IGF1: variants seen among roughly 807,000 people sequenced by gnomAD.
The protein encoded by IGF1 is insulin-like growth factor 1.
In IGF1, 4 loss-of-function variants were observed where a neutral mutation model predicts 13.8. The ratio of observed to expected loss-of-function variants is 0.29; its 90% CI spans 0.14 to 0.66. IGF1 has a LOEUF of 0.66. Ranked by LOEUF, IGF1 falls within the 30% of genes least tolerant of loss-of-function variation. The pLI is 0.78. For missense variants in IGF1, 124 were observed against 188.5 expected (o/e 0.66, Z 2.00); for synonymous variants, 76 against 72.6 (o/e 1.05, Z -0.23).
intron 2 of IGF1, among the ~76,000 whole-genome samples, chr12:102,423,393 T>C (rs1468803508): frequency 6.6e-6 from 1 of 151,088 alleles, no homozygotes; most frequent in Non-Finnish European, 1.5e-5. Context: ...TTAGAATGAA[T>C]AGGCATGTAT....
At chr12:102,447,335 T>A (rs1481475989) in intron 2 of IGF1, among the ~76,000 whole-genome samples, 1 of 152,174 alleles carries the variant, frequency 6.6e-6, no homozygotes, top group African/African-American at 2.4e-5. Flanking sequence ...AGTTAAAGTC[T>A]CCCAGCATTA....
chr12:102,447,892 C>T (rs1472205764), intron 2 of IGF1, among the ~76,000 whole-genome samples: 2 of 152,164 alleles, frequency 1.3e-5, no homozygotes, highest in Non-Finnish European at 2.9e-5. Flanking sequence ...ACACCAATAG[C>T]AATGGCAAGA....
At chr12:102,410,383 A>C (rs1874531870) in intron 3 of IGF1, among the ~76,000 whole-genome samples, 2 of 152,312 alleles carry the variant, frequency 1.3e-5, no homozygotes, top group South Asian at 4.1e-4. Context: ...AAAATGTTTA[A>C]GCTTATTATC....
Position 102,401,960 on chromosome 12 carries a change from T to C in IGF1, c.*547A>G, listed in dbSNP as rs1873715143. ...TAGAATTGGTGTGCTTCTTGACGAC[T>C]TGCTGCTGCTTTTGAGGAGGCCAAA... On this transcript the variant is annotated 3_prime_UTR_variant, in exon 4 of 4. Coordinates refer to ENST00000337514, the MANE Select transcript of IGF1 (RefSeq NM_000618.5). The C allele has an allele frequency of 6.5e-6, 1 of 152,684 alleles. No homozygotes were observed. Among genetic ancestry groups the C allele is most frequent in the African/African-American group, 2.4e-5 (1 of 41,458 alleles). 9.5% of individuals were successfully genotyped at this position (152,684 alleles called of 1,614,324 possible).
intron 3 of IGF1, chr12:102,417,795 T>A (rs772054875): frequency 1.2e-6 from 2 of 1,613,592 alleles, no homozygotes; most frequent in East Asian, 4.5e-5. Context: ...TCCTTGCCTC[T>A]GTCTGTTTAA....
rs5742635 is a variant in IGF1 at position 102,454,673 on chromosome 12, G to A, written c.220+20970C>T. ...TCCTCAATTTTGAAAATTGTTCATAGATTGAGCCAGTAGAGTTATCCAATG... is the reference window on the plus strand; with the variant it reads ...TCCTCAATTTTGAAAATTGTTCATAAATTGAGCCAGTAGAGTTATCCAATG... On this transcript the variant is annotated intron_variant, in intron 2 of 3. Transcript: ENST00000337514. Among the ~76,000 whole-genome samples, 153 of 152,320 alleles carry A rather than the reference G, an allele frequency of 1.0e-3. 1 individual carries two copies. Among genetic ancestry groups the A allele is most frequent in the African/African-American group, 3.7e-3 (152 of 41,580 alleles).
At chr12:102,439,747 G>C (rs1253356049) in intron 2 of IGF1, among the ~76,000 whole-genome samples, 1 of 151,842 alleles carries the variant, frequency 6.6e-6, no homozygotes, top group African/African-American at 2.4e-5. Flanking sequence ...TAACTGGGTG[G>C]AAAATGAAGT....
rs538470678 is a variant in IGF1, at chr12:102,403,684, T to C, written c.403-1118A>G. On this transcript the variant is annotated intron_variant, in intron 3 of 3. Transcript: ENST00000337514. ...CGGGGTTTTGCTATATTGCCCAGGCTGGTCTTCAACTAGTGGGCTCAGGTG... is the reference window on the plus strand; with the variant it reads ...CGGGGTTTTGCTATATTGCCCAGGCCGGTCTTCAACTAGTGGGCTCAGGTG... 1.8e-4 allele frequency among the ~76,000 whole-genome samples: 26 copies of C among 146,400 alleles called. No individual in the cohort carries two copies. In the East Asian group the frequency reaches 4.5e-3, roughly 25 times the overall value.
At chr12:102,431,978 C>A (rs1165294601) in intron 2 of IGF1, among the ~76,000 whole-genome samples, 1 of 152,124 alleles carries the variant, frequency 6.6e-6, no homozygotes, top group East Asian at 1.9e-4. Flanking sequence ...CCTGCCAAGA[C>A]CCTTGAATTG....
In IGF1 at chr12:102,402,005, A is replaced by G. The variant is rs759393692; in HGVS notation, c.*502T>C. 5 of 152,838 alleles carry G rather than the reference A, an allele frequency of 3.3e-5. No individual in the cohort carries two copies. The highest frequency in any genetic ancestry group is 7.3e-5 in the Non-Finnish European group (5 of 68,288). 9.5% of individuals were successfully genotyped at this position (152,838 alleles called of 1,614,324 possible). On this transcript the variant is annotated 3_prime_UTR_variant, in exon 4 of 4. Coordinates refer to ENST00000337514, the MANE Select transcript of IGF1 (RefSeq NM_000618.5). ...GCCAAATTCGGCAAATATAAAGGTT[A>G]TGAAGGGAGGTGGTGGGTATAGACT...
intron 3 of IGF1, among the ~76,000 whole-genome samples, chr12:102,416,520 G>A (rs769728370): frequency 2.0e-4 from 31 of 152,088 alleles, no homozygotes; most frequent in Non-Finnish European, 4.1e-4. Flanking sequence ...ATGTGCTGTT[G>A]TCTCCTGGCC....
chr12:102,434,522 G>A (rs1243206322), intron 2 of IGF1, among the ~76,000 whole-genome samples: 1 of 145,178 alleles, frequency 6.9e-6, no homozygotes, highest in African/African-American at 2.5e-5. Flanking sequence ...GTGTATATGT[G>A]CCACATTTTC....
chr12:102,446,770 G>T lies in IGF1; in HGVS notation c.221-27080C>A, dbSNP rs551427956. On this transcript the variant is annotated intron_variant, in intron 2 of 3. Transcript: ENST00000337514. ...TATTTCTTGTCTTCTGCTAGTTTTCGAATTTGTTTGCTCTTGCTTCTCTAG... is the reference window on the plus strand; with the variant it reads ...TATTTCTTGTCTTCTGCTAGTTTTCTAATTTGTTTGCTCTTGCTTCTCTAG... 2.6e-5 allele frequency among the ~76,000 whole-genome samples: 4 copies of T among 152,084 alleles called. No homozygotes were observed. In the East Asian group the frequency reaches 5.8e-4, roughly 22 times the overall value.
rs1873330613 is a variant in IGF1 at position 102,397,696 on chromosome 12, G to A, written c.*4811C>T. 2 of 152,260 alleles carry A rather than the reference G, an allele frequency of 1.3e-5. No individual in the cohort carries two copies. The highest frequency in any genetic ancestry group is 4.8e-5 in the African/African-American group (2 of 41,574). The allele number at this position is 152,260 out of a possible 1,614,324, so 9.4% of individuals were successfully genotyped here. A position where few individuals can be genotyped will look rare whatever the true frequency, so the allele number is the denominator to read the frequency against. Reference sequence around the variant, plus strand: ...TCCTTTTGTTGTTGCCCCCCTACCAGATCTGGACTTTATGGTCTTTGCAAG... The same window carrying A: ...TCCTTTTGTTGTTGCCCCCCTACCAAATCTGGACTTTATGGTCTTTGCAAG... On this transcript the variant is annotated 3_prime_UTR_variant, in exon 4 of 4. Transcript: ENST00000337514.
At chr12:102,463,706 G>T (rs1158580963) in intron 2 of IGF1, among the ~76,000 whole-genome samples, 2 of 152,174 alleles carry the variant, frequency 1.3e-5, no homozygotes, top group East Asian at 3.8e-4. Context: ...TGACATAGCA[G>T]TTCACTTTGA....
At chr12:102,476,799 C>A (rs1881079414) in intron 1 of IGF1, among the ~76,000 whole-genome samples, 1 of 152,216 alleles carries the variant, frequency 6.6e-6, no homozygotes, top group African/African-American at 2.4e-5. Flanking sequence ...TGCCAAACGG[C>A]AGCCTTGCCA....
chr12:102,456,185 G>A (rs1467453206), intron 2 of IGF1, among the ~76,000 whole-genome samples: 2 of 150,902 alleles, frequency 1.3e-5, no homozygotes, highest in Non-Finnish European at 2.9e-5. Context: ...TCCTAACACG[G>A]ACATTCAACT....
At chr12:102,433,267 G>A (rs2373721) in intron 2 of IGF1, among the ~76,000 whole-genome samples, 1 of 152,086 alleles carries the variant, frequency 6.6e-6, no homozygotes, top group Non-Finnish European at 1.5e-5. Context: ...CTACTGAATT[G>A]TAGACGCTAT....
intron 1 of IGF1, 145 bp from the exon 2 acceptor site, chr12:102,475,944 G>A: frequency 2.4e-6 from 2 of 839,774 alleles, no homozygotes; most frequent in Non-Finnish European, 3.9e-6. Flanking sequence ...GAGTACATGA[G>A]AACCCAGAGG....
Sources: allele counts gnomAD v4.1 joint callset (sites outside exome capture counted in the v4.1 genomes callset), GRCh38; gene constraint gnomAD v4.1.1; transcripts MANE v1.5; gene names NCBI Gene and HGNC (gene_info 2026-07-23, HGNC 2026-07-21).